The following BCAR1 variants were observed in gnomAD, a reference collection of about 807,000 sequenced individuals.
The protein encoded by BCAR1 is breast cancer anti-estrogen resistance protein 1.
BCAR1 carries 30 observed loss-of-function variants against 67.6 expected under a neutral mutation model. The observed-to-expected ratio is 0.44, with a 90% CI of 0.33 to 0.60. The LOEUF (loss-of-function observed/expected upper bound fraction) is 0.60. Among genes scored for constraint, BCAR1 ranks in the 20% least tolerant of loss-of-function variants. BCAR1 has a pLI of 0.02. For missense variants in BCAR1, 1,313 were observed against 1,222.3 expected, an observed-to-expected ratio of 1.07 and a Z score of -1.11; for synonymous variants, 626 against 556.7, an observed-to-expected ratio of 1.12 and a Z score of -1.75.
chr16:75,229,274 G>GT lies in BCAR1; in HGVS notation c.*236dup. On this transcript the variant is annotated 3_prime_UTR_variant, in exon 7 of 7. Coordinates refer to ENST00000162330, the MANE Select transcript of BCAR1 (RefSeq NM_014567.5). ...CCGTCTGGTGACCCAACCCGGGCCC[G>GT]TGGTGCATGCTGGGGAAGGCCACTG... 1 of 592,768 alleles carries GT rather than the reference G, an allele frequency of 1.7e-6. No individual in the cohort carries two copies. The highest frequency in any genetic ancestry group is 2.7e-6 in the Non-Finnish European group (1 of 367,384). 36.7% of individuals were successfully genotyped at this position (592,768 alleles called of 1,614,324 possible). A position where few individuals can be genotyped will look rare whatever the true frequency, so the allele number is the denominator to read the frequency against.
At chr16:75,266,643 T>A in intron 1 of BCAR1, 1 of 1,126,100 alleles carries the variant, frequency 8.9e-7, no homozygotes, top group South Asian at 3.3e-5. Context: ...TCCCCATCGC[T>A]CCACTCCTGC....
intron 1 of BCAR1, among the ~76,000 whole-genome samples, chr16:75,262,695 G>T (rs965321003): frequency 2.0e-5 from 3 of 152,086 alleles, no homozygotes; most frequent in African/African-American, 7.2e-5. Context: ...ACCACTGCCT[G>T]GCACAGAGCC....
chr16:75,238,158 G>A (rs1295448830), intron 2 of BCAR1: 3 of 1,275,156 alleles, frequency 2.4e-6, no homozygotes, highest in Non-Finnish European at 3.1e-6. Flanking sequence ...ACAATGGCCT[G>A]CCCAGGGCCA....
chr16:75,236,054 A>G, intron 4 of BCAR1, 68 bp from the exon 5 acceptor site: 1 of 1,484,976 alleles, frequency 6.7e-7, no homozygotes, highest in Non-Finnish European at 8.9e-7. Context: ...TGGGGGCAGC[A>G]CCCAGCCACA....
chr16:75,234,005 C>A, intron 5 of BCAR1, 70 bp from the exon 6 acceptor site: 3 of 1,476,808 alleles, frequency 2.0e-6, no homozygotes, highest in Non-Finnish European at 2.8e-6. Context: ...AGCCCTGTGG[C>A]GGGCGCAGTG....
In BCAR1 at chr16:75,235,742, A is replaced by T. The variant is rs1422181116; in HGVS notation, c.1157T>A (p.Leu386Gln). The T allele has an allele frequency of 6.3e-7, 1 of 1,599,114 alleles. No individual in the cohort carries two copies. Among genetic ancestry groups the T allele is most frequent in the East Asian group, 2.2e-5 (1 of 44,734 alleles). Reference sequence around the variant, plus strand: ...CACCCGTTCACGGGGCACATCGTACAGGGTGCCCGGGCCAGGCCGCCGCAA... The same window carrying T: ...CACCCGTTCACGGGGCACATCGTACTGGGTGCCCGGGCCAGGCCGCCGCAA... ...PGLRRPGPGT[L>Q]YDVPRERVLP... Residue 386 changes from leucine to glutamine, a missense_variant, in exon 5 of 7, where the codon CTG becomes CAG. Physicochemically the swap from Leu to Gln is moderately radical, Grantham distance 113. Transcript: ENST00000162330.
rs377457096 is a variant in BCAR1 at position 75,235,751 on chromosome 16, G to T, written c.1148C>A (p.Pro383Gln). Reference sequence around the variant, plus strand: ...ACGGGGCACATCGTACAGGGTGCCCGGGCCAGGCCGCCGCAAGCCAGGGGG... The same window carrying T: ...ACGGGGCACATCGTACAGGGTGCCCTGGCCAGGCCGCCGCAAGCCAGGGGG... ...DVPPGLRRPG[P>Q]GTLYDVPRER... The change falls in exon 5 of 7, where the codon CCG (proline) becomes CAG (glutamine). Residue 383 changes from proline to glutamine, a missense_variant. Physicochemically the swap from Pro to Gln is moderately conservative, Grantham distance 76. Around this residue, in one of 2 missense-constraint regions of BCAR1, gnomAD observed 1,272 missense variants for 1,137.5 expected, o/e 1.12. Transcript: ENST00000162330. The T allele has an allele frequency of 2.9e-5, 46 of 1,594,128 alleles. No individual in the cohort carries two copies. The highest frequency in any genetic ancestry group is 5.4e-5 in the African/African-American group (4 of 74,630).
chr16:75,252,826 C>T (rs1446548720), upstream of BCAR1, among the ~76,000 whole-genome samples: 1 of 152,256 alleles, frequency 6.6e-6, no homozygotes, highest in Non-Finnish European at 1.5e-5. Context: ...GCCACCTTGG[C>T]AGGCCCTCTC....
chr16:75,235,198 T>C lies in BCAR1; in HGVS notation c.1701A>G (p.Gly567=), dbSNP rs2077063527. ...AHGQALDAGR[G]GSGATLEDLD... ...GGTCCTCAAGGGTGGCTCCAGAGCC[T>C]CCCCGGCCAGCGTCGAGGGCCTGAC... is the stretch of plus-strand genomic sequence containing the variant. Residue 567 remains glycine, a synonymous_variant, in exon 5 of 7, where the codon GGA becomes GGG. Transcript: ENST00000162330. 6.2e-7 allele frequency: 1 copy of C among 1,607,886 alleles called. No homozygotes were observed.
At chr16:75,240,055 T>C (rs1188578249) in intron 2 of BCAR1, among the ~76,000 whole-genome samples, 1 of 152,126 alleles carries the variant, frequency 6.6e-6, no homozygotes, top group Admixed American at 6.5e-5. Flanking sequence ...TCGGTGCCAG[T>C]GTGGCCCTCA....
chr16:75,243,156 T>G, intron 1 of BCAR1, 66 bp from the exon 2 acceptor site: 1 of 1,475,466 alleles, frequency 6.8e-7, no homozygotes, highest in South Asian at 1.3e-5. Flanking sequence ...GCTCCCCAGC[T>G]CCTGCCCTGC....
At chr16:75,242,225 G>A (rs1427501509) in intron 2 of BCAR1, among the ~76,000 whole-genome samples, 1 of 152,232 alleles carries the variant, frequency 6.6e-6, no homozygotes, top group East Asian at 1.9e-4. Context: ...TGTGGTTGGT[G>A]ACACCACCAC....
upstream of BCAR1, among the ~76,000 whole-genome samples, chr16:75,254,651 T>C (rs976568130): frequency 6.6e-6 from 1 of 151,812 alleles, no homozygotes; most frequent in Non-Finnish European, 1.5e-5. Context: ...CTGGGAGAGG[T>C]TGTTGCCAGA....
Position 75,234,160 on chromosome 16 carries a change from G to GACACACACAC in BCAR1, c.2011-226_2011-225insGTGTGTGTGT, listed in dbSNP as rs1296996116. ...AGACTGGCACGTGCAGGGGCAGGCA[G>GACACACACAC]ACAGACACACACACACACACACACA... On this transcript the variant is annotated intron_variant, in intron 5 of 6. Transcript: ENST00000162330. 6.7e-3 allele frequency among the ~76,000 whole-genome samples: 586 copies of GACACACACAC among 87,834 alleles called. 11 individuals carry two copies. Among genetic ancestry groups the GACACACACAC allele is most frequent in the African/African-American group, 0.014 (351 of 24,984 alleles). 57.6% of individuals were successfully genotyped at this position (87,834 alleles called of 152,430 possible). A position where few individuals can be genotyped will look rare whatever the true frequency, so the allele number is the denominator to read the frequency against.
chr16:75,244,233 C>CT, intron 1 of BCAR1, among the ~76,000 whole-genome samples: 1 of 152,378 alleles, frequency 6.6e-6, no homozygotes, highest in Middle Eastern at 3.4e-3. Context: ...GGTCGAGACT[C>CT]TGACTCGGAA....
At position 75,242,650 on chromosome 16, in the gene BCAR1, C is replaced by G; in HGVS notation, c.453G>C (p.Gln151His). Residue 151 changes from glutamine to histidine, a missense_variant, in exon 2 of 7, where the codon CAG (glutamine) becomes CAC (histidine). Gln to His is a conservative substitution (Grantham distance 24). This residue lies in a region of BCAR1 where 1,272 missense variants were observed against 1,137.5 expected (regional missense o/e 1.12). Coordinates refer to ENST00000162330, the MANE Select transcript of BCAR1 (RefSeq NM_014567.5). ...GGCTGGGAAACGGGTGATGGGGTGTCTGCTTCGAGAAGGTGGATGTCTGCT... is the reference window on the plus strand; with the variant it reads ...GGCTGGGAAACGGGTGATGGGGTGTGTGCTTCGAGAAGGTGGATGTCTGCT... ...PAKQTSTFSK[Q>H]TPHHPFPSPA... 6.6e-7 allele frequency: 1 copy of G among 1,522,924 alleles called. No homozygotes were observed. Among genetic ancestry groups the G allele is most frequent in the African/African-American group, 1.4e-5 (1 of 71,936 alleles). 94.3% of individuals were successfully genotyped at this position (1,522,924 alleles called of 1,614,324 possible).
intron 6 of BCAR1, 55 bp from the exon 7 acceptor site, chr16:75,230,078 C>G: frequency 2.7e-6 from 4 of 1,508,872 alleles, no homozygotes; most frequent in Non-Finnish European, 3.5e-6. Flanking sequence ...GTTGGAACTA[C>G]AGGCCGAGAC....
chr16:75,238,708 T>A (rs1597206927), intron 2 of BCAR1: 1 of 985,268 alleles, frequency 1.0e-6, no homozygotes, highest in African/African-American at 1.7e-5. Context: ...CGTCTGGGAG[T>A]GGATTTGGCG....
exon 1 of BCAR1, chr16:75,267,926 G>C: frequency 1.2e-6 from 2 of 1,602,678 alleles, no homozygotes; most frequent in Non-Finnish European, 1.7e-6. Context: ...CTGAGGCAGG[G>C]ATCCTTGGGT....
Sources: allele counts gnomAD v4.1 joint callset (sites outside exome capture counted in the v4.1 genomes callset), GRCh38; gene constraint gnomAD v4.1.1; regional missense constraint gnomAD v4.1.1; transcripts MANE v1.5; gene names NCBI Gene and HGNC (gene_info 2026-07-23, HGNC 2026-07-21).